Variants in CLVS1 observed in about 807,000 individuals in gnomAD.
CLVS1 encodes the protein clavesin-1.
Under a neutral mutation model 33.1 loss-of-function variants are expected in CLVS1, and 10 were observed. The observed-to-expected ratio is 0.30, with a 90% confidence interval of 0.19 to 0.51. CLVS1 has a LOEUF of 0.51. CLVS1 is among the 20% of genes least tolerant of loss of function. The probability of loss-of-function intolerance (pLI) is 0.97; values close to 1 mark genes in which losing one functional copy is unlikely to be tolerated. For missense variants in CLVS1, 343 were observed against 433.4 expected (o/e 0.79, Z 1.85); for synonymous variants, 163 against 166.1 (o/e 0.98, Z 0.14).
the CLVS1 span, among the ~76,000 whole-genome samples, chr8:60,990,018 T>C: frequency 6.7e-6 from 1 of 148,906 alleles, no homozygotes; most frequent in Non-Finnish European, 1.5e-5. Flanking sequence ...CCAGCTACTA[T>C]GGAGGCTGAG....
the CLVS1 span, among the ~76,000 whole-genome samples, chr8:61,033,109 A>AGG: frequency 0.26 from 21,346 of 82,158 alleles, 5,678 homozygotes; most frequent in Middle Eastern, 0.37. Context: ...GATAGAAAGA[A>AGG]AGAAGGAAGG....
chr8:61,172,629 G>A (rs141870410), intron 2 of CLVS1, among the ~76,000 whole-genome samples: 1 of 152,204 alleles, frequency 6.6e-6, no homozygotes, highest in Non-Finnish European at 1.5e-5. Context: ...AAATTTAGAG[G>A]CTTCATTACA....
chr8:61,479,718 C>T (rs1276912493), intron 5 of CLVS1, among the ~76,000 whole-genome samples: 1 of 152,104 alleles, frequency 6.6e-6, no homozygotes, highest in Non-Finnish European at 1.5e-5. Flanking sequence ...GTGGTTTTAT[C>T]TACCTTTGGT....
At chr8:61,362,746 A>G (rs1813040988) in intron 2 of CLVS1, among the ~76,000 whole-genome samples, 1 of 152,204 alleles carries the variant, frequency 6.6e-6, no homozygotes, top group Non-Finnish European at 1.5e-5. Context: ...GCCTGATTCT[A>G]TCTGAATTGC....
At chr8:61,396,928 A>T (rs1162290317) in intron 3 of CLVS1, among the ~76,000 whole-genome samples, 3 of 151,966 alleles carry the variant, frequency 2.0e-5, no homozygotes, top group Non-Finnish European at 2.9e-5. Flanking sequence ...TTTTTTATTC[A>T]TTTGTCAGTT....
chr8:61,171,819 T>C (rs1251402932), intron 2 of CLVS1, among the ~76,000 whole-genome samples: 1 of 152,102 alleles, frequency 6.6e-6, no homozygotes, highest in African/African-American at 2.4e-5. Context: ...ACATGAACGA[T>C]ATGGACGAGA....
the CLVS1 span, among the ~76,000 whole-genome samples, chr8:61,029,279 C>A: frequency 1.3e-5 from 2 of 152,194 alleles, no homozygotes; most frequent in African/African-American, 4.8e-5. Flanking sequence ...CCGTGAGGTT[C>A]CACCTGGTGT....
chr8:61,253,246 GC>G (rs1808990960), intron 2 of CLVS1, among the ~76,000 whole-genome samples: 2 of 152,126 alleles, frequency 1.3e-5, no homozygotes, highest in African/African-American at 4.8e-5. Flanking sequence ...TTGAGAATTG[GC>G]CCCCACTCTC....
intron 1 of CLVS1, among the ~76,000 whole-genome samples, chr8:61,117,919 A>G (rs1172564970): frequency 6.6e-6 from 1 of 151,956 alleles, no homozygotes; most frequent in Non-Finnish European, 1.5e-5. Context: ...CTCTTTTTCT[A>G]TTGATTGGAA....
chr8:61,061,875 C>T (rs1804589609), intron 1 of CLVS1, among the ~76,000 whole-genome samples: 1 of 151,938 alleles, frequency 6.6e-6, no homozygotes, highest in Non-Finnish European at 1.5e-5. Flanking sequence ...ATTCAGGGCT[C>T]CAGCATATCC....
chr8:61,449,496 G>T (rs140737563), intron 3 of CLVS1, among the ~76,000 whole-genome samples: 4 of 152,304 alleles, frequency 2.6e-5, no homozygotes, highest in African/African-American at 9.6e-5. Context: ...CCTTGCTAGG[G>T]TGAAGATCAG....
At chr8:61,346,492 A>G (rs1671498900) in intron 2 of CLVS1, among the ~76,000 whole-genome samples, 2 of 152,174 alleles carry the variant, frequency 1.3e-5, no homozygotes. Flanking sequence ...GCTCGCTACA[A>G]TATAATAATA....
At chr8:60,985,845 A>G in the CLVS1 span, among the ~76,000 whole-genome samples, 3 of 151,952 alleles carry the variant, frequency 2.0e-5, no homozygotes, top group Non-Finnish European at 4.4e-5. Context: ...TGGCGAGAGA[A>G]CAGCTTTGTC....
intron 1 of CLVS1, among the ~76,000 whole-genome samples, chr8:61,298,802 G>A (rs547898584): frequency 1.3e-5 from 2 of 152,118 alleles, no homozygotes; most frequent in African/African-American, 4.8e-5. Flanking sequence ...TACCATTTTG[G>A]TGGAGAAATC....
intron 2 of CLVS1, among the ~76,000 whole-genome samples, chr8:61,156,356 C>T (rs1240978989): frequency 1.3e-5 from 2 of 151,724 alleles, no homozygotes; most frequent in East Asian, 3.9e-4. Context: ...ACCATCTGGT[C>T]CCTCCTGTGA....
chr8:61,383,058 A>G (rs1361024649), intron 3 of CLVS1, among the ~76,000 whole-genome samples: 1 of 152,238 alleles, frequency 6.6e-6, no homozygotes, highest in Non-Finnish European at 1.5e-5. Context: ...TAGTGCACTC[A>G]TTTAAATGAA....
At position 61,359,898 on chromosome 8, in the gene CLVS1, G is replaced by A. The variant is rs370737514; in HGVS notation, c.456-16707G>A. 2.1e-3 allele frequency among the ~76,000 whole-genome samples: 326 copies of A among 152,222 alleles called. 2 individuals carry two copies. The highest frequency in any genetic ancestry group is 7.2e-3 in the African/African-American group (298 of 41,534). On this transcript the variant is annotated intron_variant, in intron 2 of 5. Transcript: ENST00000325897. ...CATTCACTCACATGTCCTGCCTGGC[G>A]TTCCTAGGCATTTGAGTTGCCAGCT...
chr8:61,199,758 T>C (rs966400758), intron 2 of CLVS1, among the ~76,000 whole-genome samples: 18 of 152,246 alleles, frequency 1.2e-4, no homozygotes, highest in African/African-American at 4.1e-4. Context: ...CATGATCCAA[T>C]GTCTTGCTCA....
At chr8:61,224,691 T>C (rs989260633) in intron 2 of CLVS1, among the ~76,000 whole-genome samples, 1 of 152,166 alleles carries the variant, frequency 6.6e-6, no homozygotes, top group Non-Finnish European at 1.5e-5. Context: ...AGCACTTTGA[T>C]TGCAATCCTA....
Sources: allele counts gnomAD v4.1 joint callset (sites outside exome capture counted in the v4.1 genomes callset), GRCh38; gene constraint gnomAD v4.1.1; transcripts MANE v1.5; gene names NCBI Gene and HGNC (gene_info 2026-07-23, HGNC 2026-07-21).